Variants in CCDC81 observed in about 807,000 individuals in gnomAD.
CCDC81 encodes the protein coiled-coil domain containing 81, also known as coiled-coil domain-containing protein 81.
In CCDC81, 79 loss-of-function variants were observed where a neutral mutation model predicts 83.7. The ratio of observed to expected loss-of-function variants is 0.94; its 90% CI spans 0.79 to 1.14. The LOEUF (loss-of-function observed/expected upper bound fraction) is 1.14, where lower values mean the gene tolerates loss of function less well. CCDC81 is among the 50% of genes most tolerant of loss of function. The pLI is 0.00. For missense variants in CCDC81, 791 were observed against 778.1 expected, an observed-to-expected ratio of 1.02 and a Z score of -0.20; for synonymous variants, 252 against 278.1, an observed-to-expected ratio of 0.91 and a Z score of 0.93.
intron 14 of CCDC81, among the ~76,000 whole-genome samples, chr11:86,421,610 G>A (rs762149112): frequency 3.3e-5 from 5 of 152,116 alleles, no homozygotes; most frequent in African/African-American, 7.2e-5. Context: ...GCGCCCGGCC[G>A]ATCATCCTTC....
At chr11:86,402,786 G>T (rs1367694167) in intron 7 of CCDC81, among the ~76,000 whole-genome samples, 1 of 151,870 alleles carries the variant, frequency 6.6e-6, no homozygotes, top group Non-Finnish European at 1.5e-5. Flanking sequence ...GTGAAATGAT[G>T]GTATTTCATT....
At chr11:86,380,621 G>GT (rs146423193) in intron 1 of CCDC81, among the ~76,000 whole-genome samples, 453 of 148,944 alleles carry the variant, frequency 3.0e-3, no homozygotes, top group African/African-American at 6.5e-3. Flanking sequence ...GATATTCTGG[G>GT]TTTTTTTTTT....
chr11:86,419,917 T>C lies in CCDC81; in HGVS notation c.1692-11T>C. ...AAGTATTATGGAGCCAGGCTGTTCT[T>C]TTCTCTCCAGGCACTTGGCAGACAG... is the stretch of plus-strand genomic sequence containing the variant. On this transcript the variant is annotated splice_polypyrimidine_tract_variant and intron_variant, in intron 13 of 14. Transcript: ENST00000445632. The C allele has an allele frequency of 6.2e-7, 1 of 1,608,958 alleles. No homozygotes were observed. Among genetic ancestry groups the C allele is most frequent in the Non-Finnish European group, 8.5e-7 (1 of 1,178,030 alleles).
chr11:86,392,718 G>A lies in CCDC81; in HGVS notation c.476G>A (p.Ser159Asn), dbSNP rs1157872639. 4 of 1,551,560 alleles carry A rather than the reference G, an allele frequency of 2.6e-6. No individual in the cohort carries two copies. ...ATTGGGGTCCTCATGATCAGAGACA[G>A]CAAAGTGAAGATGAGGTTTTATAAA... is the stretch of plus-strand genomic sequence containing the variant. ...KGIGVLMIRD[S>N]KVKMRFYKDF... Residue 159 changes from serine (S) to asparagine (N), a missense_variant, in exon 4 of 15, where the codon AGC becomes AAC. Transcript: ENST00000445632.
intron 3 of CCDC81, among the ~76,000 whole-genome samples, chr11:86,392,053 A>G (rs954696131): frequency 1.3e-5 from 2 of 152,174 alleles, no homozygotes; most frequent in African/African-American, 4.8e-5. Context: ...ACCATACATG[A>G]AGGATCCACC....
chr11:86,393,283 G>GAACTCCTGGTCTCA (rs1948359940), intron 4 of CCDC81, among the ~76,000 whole-genome samples: 1 of 152,122 alleles, frequency 6.6e-6, no homozygotes, highest in Non-Finnish European at 1.5e-5. Flanking sequence ...GGCTGGTCTC[G>GAACTCCTGGTCTCA]AACTCCTGGT....
intron 13 of CCDC81, among the ~76,000 whole-genome samples, chr11:86,415,965 C>A (rs1381219640): frequency 6.6e-6 from 1 of 152,186 alleles, no homozygotes; most frequent in African/African-American, 2.4e-5. Context: ...TGAGCCACAG[C>A]ACCCAGCCTG....
At chr11:86,397,239 G>T (rs930843473) in intron 5 of CCDC81, among the ~76,000 whole-genome samples, 2 of 152,158 alleles carry the variant, frequency 1.3e-5, no homozygotes, top group African/African-American at 4.8e-5. Flanking sequence ...ACTCTACCAG[G>T]CTATGAATCT....
rs1948329440 is a variant in CCDC81, at chr11:86,391,524, GT to G, written c.299-1016del. 2.0e-5 allele frequency among the ~76,000 whole-genome samples: 3 copies of G among 152,206 alleles called. No homozygotes were observed. The South Asian group carries it at 6.2e-4, about 32-fold the overall frequency. On this transcript the variant is annotated intron_variant, in intron 3 of 14. Transcript: ENST00000445632. ...CATCTGTTCTAGTTGGATAGACCCT[GT>G]GCTTCTTTCAAGCTAGATATAATCG...
At chr11:86,420,165 A>G (rs1948771663) in intron 14 of CCDC81, 112 bp downstream of exon 14, 2 of 1,266,098 alleles carry the variant, frequency 1.6e-6, no homozygotes, top group African/African-American at 1.5e-5. Context: ...TTGTGGAGAA[A>G]GCAAGTCTGT....
In CCDC81 at chr11:86,397,607, T is replaced by G. The variant is rs558173898; in HGVS notation, c.636-14T>G. On this transcript the variant is annotated splice_polypyrimidine_tract_variant and intron_variant, in intron 5 of 14. Transcript: ENST00000445632. ...GGTTCAGTGCAGCAGAAAAACATAT[T>G]GGCTCATTCCTAGGATTGAGCTCAA... is the stretch of plus-strand genomic sequence containing the variant. The G allele has an allele frequency of 1.2e-6, 2 of 1,605,412 alleles. No individual in the cohort carries two copies. The highest frequency in any genetic ancestry group is 1.7e-5 in the Admixed American group (1 of 58,004).
intron 14 of CCDC81, among the ~76,000 whole-genome samples, chr11:86,422,220 A>T (rs1017284049): frequency 6.6e-6 from 1 of 152,170 alleles, no homozygotes; most frequent in Non-Finnish European, 1.5e-5. Context: ...CAGGAGCTCA[A>T]CAGGTAGAGG....
intron 2 of CCDC81, among the ~76,000 whole-genome samples, chr11:86,387,128 T>A (rs941390151): frequency 5.9e-5 from 9 of 152,228 alleles, no homozygotes; most frequent in African/African-American, 2.2e-4. Flanking sequence ...AAAGTAGGAA[T>A]GAGAAAGCAG....
chr11:86,374,955 A>T lies in CCDC81; in HGVS notation c.-209A>T. ...CTGCCCGAGAGCCAGAGCAGTGGGG[A>T]GGGACGGCGAGAACCAATGTTTAAG... On this transcript the variant is annotated 5_prime_UTR_variant, in exon 1 of 15. Coordinates refer to ENST00000445632, the MANE Select transcript of CCDC81 (RefSeq NM_001156474.2). The T allele has an allele frequency of 3.7e-6, 2 of 539,018 alleles. No individual in the cohort carries two copies. The allele number at this position is 539,018 out of a possible 1,614,324, so 33.4% of individuals were successfully genotyped here. A position where few individuals can be genotyped will look rare whatever the true frequency, so the allele number is the denominator to read the frequency against.
At chr11:86,377,968 CTTTTTTTTTTTTTT>C (rs61157417) in intron 1 of CCDC81, among the ~76,000 whole-genome samples, 1 of 73,350 alleles carries the variant, frequency 1.4e-5, no homozygotes, top group Non-Finnish European at 2.4e-5. Context: ...TGCCTAGGTT[CTTTTTTTTTTTTTT>C]TTTTTTTTGC....
At chr11:86,409,238 C>G in intron 9 of CCDC81, 23 bp from the exon 10 acceptor site, 1 of 937,934 alleles carries the variant, frequency 1.1e-6, no homozygotes, top group Non-Finnish European at 1.5e-6. Context: ...TAAAAATAAA[C>G]TTTTTTTTTT....
chr11:86,381,197 G>A lies in CCDC81; in HGVS notation c.80-4854G>A, dbSNP rs192318862. Reference sequence around the variant, plus strand: ...CCTTTCTCCTTAGGTGGGACAGAATGGCTAAAGTGGACTGGAGTTGGTCAT... The same window carrying A: ...CCTTTCTCCTTAGGTGGGACAGAATAGCTAAAGTGGACTGGAGTTGGTCAT... On this transcript the variant is annotated intron_variant, in intron 1 of 14. Transcript: ENST00000445632. 4.6e-5 allele frequency among the ~76,000 whole-genome samples: 7 copies of A among 152,272 alleles called. No individual in the cohort carries two copies. The East Asian group carries it at 1.4e-3, about 29-fold the overall frequency.
intron 7 of CCDC81, among the ~76,000 whole-genome samples, chr11:86,402,543 A>T (rs1948507546): frequency 7.6e-6 from 1 of 132,004 alleles, no homozygotes; most frequent in Non-Finnish European, 1.7e-5. Flanking sequence ...GTTTTTAAGT[A>T]CTATAAATAA....
rs189138385 is a variant in CCDC81 at position 86,379,266 on chromosome 11, T to G, written c.79+4024T>G. ...CACCCGCCACCATGCCTGGCTAATT[T>G]TTTGTATTTTTAGTAGAGGTGGGGT... On this transcript the variant is annotated intron_variant, in intron 1 of 14. Transcript: ENST00000445632. Among the ~76,000 whole-genome samples, 300 of 152,162 alleles carry G rather than the reference T, an allele frequency of 2.0e-3. 1 individual carries two copies. The highest frequency in any genetic ancestry group is 2.2e-3 in the Non-Finnish European group (148 of 68,004).
Sources: allele counts gnomAD v4.1 joint callset (sites outside exome capture counted in the v4.1 genomes callset), GRCh38; gene constraint gnomAD v4.1.1; transcripts MANE v1.5; gene names NCBI Gene and HGNC (gene_info 2026-07-23, HGNC 2026-07-21).